The following DPP6 variants were observed in gnomAD, a reference collection of about 807,000 sequenced individuals.
The protein encoded by DPP6 is dipeptidyl peptidase like 6.
A neutral mutation model predicts 122.6 loss-of-function variants in DPP6; 69 were observed. The ratio of observed to expected loss-of-function variants is 0.56; its 90% confidence interval spans 0.46 to 0.69. The LOEUF is 0.69. Ranked by LOEUF, DPP6 falls within the 30% of genes least tolerant of loss-of-function variation. The pLI, the probability that DPP6 is intolerant of heterozygous loss-of-function variation, is 0.00. For missense variants in DPP6, 928 were observed against 1,116.9 expected (o/e 0.83, Z 2.41); for synonymous variants, 418 against 433.1 (o/e 0.97, Z 0.43).
At chr7:154,614,794 G>A (rs1440853040) in intron 5 of DPP6, among the ~76,000 whole-genome samples, 2 of 152,200 alleles carry the variant, frequency 1.3e-5, no homozygotes, top group Non-Finnish European at 2.9e-5. Flanking sequence ...ATTATTGTAA[G>A]TCATTTCTGT....
At position 154,241,182 on chromosome 7, in the gene DPP6, AAT is replaced by A. The variant is rs1491302106; in HGVS notation, c.243+188122_243+188123del. Reference sequence around the variant, plus strand: ...GCTGCACAGTAGGTAATTCAATATCAATATGTGTGTGTGTGTGTGTGTGTGTG... The same window carrying A: ...GCTGCACAGTAGGTAATTCAATATCAATGTGTGTGTGTGTGTGTGTGTGTG... On this transcript the variant is annotated intron_variant, in intron 1 of 25. Coordinates refer to ENST00000377770, the MANE Select transcript of DPP6 (RefSeq NM_130797.4). This position sits in a 1 kb window ranked among gnomAD's most constrained non-coding sequence, Gnocchi z 9.0. Among the ~76,000 whole-genome samples, 4 of 38,552 alleles carry A rather than the reference AAT, an allele frequency of 1.0e-4. No homozygotes were observed. Among genetic ancestry groups the A allele is most frequent in the African/African-American group, 2.3e-4 (3 of 12,886 alleles). The allele number at this position is 38,552 out of a possible 152,430, so 25.3% of individuals were successfully genotyped here. A position where few individuals can be genotyped will look rare whatever the true frequency, so the allele number is the denominator to read the frequency against.
chr7:154,130,555 A>C (rs1037648887), intron 1 of DPP6, among the ~76,000 whole-genome samples: 13 of 152,206 alleles, frequency 8.5e-5, no homozygotes, highest in African/African-American at 2.4e-4. Context: ...GGATGCCATG[A>C]GGGAAAGCGT....
chr7:154,679,272 C>T (rs544009895), intron 7 of DPP6, among the ~76,000 whole-genome samples: 8 of 152,318 alleles, frequency 5.3e-5, no homozygotes, highest in African/African-American at 1.9e-4. Context: ...TCGTCAGCCC[C>T]TTGTAACTAT....
At chr7:154,061,603 G>T (rs1170641176) in intron 1 of DPP6, among the ~76,000 whole-genome samples, 1 of 142,688 alleles carries the variant, frequency 7.0e-6, no homozygotes. Flanking sequence ...CCTGGCTCTT[G>T]GGACTCCCAT....
At chr7:153,950,797 G>T (rs1446112388) in intron 1 of DPP6, among the ~76,000 whole-genome samples, 1 of 152,224 alleles carries the variant, frequency 6.6e-6, no homozygotes, top group Non-Finnish European at 1.5e-5. Flanking sequence ...ATGTACAATG[G>T]CAAGGAACAT....
intron 19 of DPP6, among the ~76,000 whole-genome samples, chr7:154,873,572 C>T (rs945135653): frequency 1.3e-5 from 2 of 152,194 alleles, no homozygotes; most frequent in African/African-American, 4.8e-5. Flanking sequence ...GCCCTGCTCC[C>T]TTCCTGAGGG....
At chr7:154,668,725 TC>T (rs1016203491) in intron 6 of DPP6, among the ~76,000 whole-genome samples, 35 of 152,232 alleles carry the variant, frequency 2.3e-4, no homozygotes, top group African/African-American at 8.2e-4. Context: ...TTTTCATTTT[TC>T]CCACCATGAC....
At chr7:153,758,558 CT>C in the DPP6 span, among the ~76,000 whole-genome samples, 4 of 152,064 alleles carry the variant, frequency 2.6e-5, no homozygotes, top group Non-Finnish European at 4.4e-5. Flanking sequence ...GAAAACCGAT[CT>C]TTTTTTTCTG....
chr7:154,264,846 T>C (rs1465862741), intron 1 of DPP6, among the ~76,000 whole-genome samples: 5 of 151,810 alleles, frequency 3.3e-5, no homozygotes, highest in Admixed American at 6.6e-5. Flanking sequence ...ATGGTGTTAA[T>C]GATGATAGTG....
intron 1 of DPP6, among the ~76,000 whole-genome samples, chr7:153,893,303 T>C (rs953173438): frequency 6.6e-6 from 1 of 152,228 alleles, no homozygotes; most frequent in Non-Finnish European, 1.5e-5. Flanking sequence ...ATCACAATAC[T>C]GCTAACTTGA....
In DPP6 at chr7:154,887,370, C is replaced by T. The variant is rs1435738893; in HGVS notation, c.2246-306C>T. Among the ~76,000 whole-genome samples the T allele has an allele frequency of 2.6e-5, 4 of 152,182 alleles. No individual in the cohort carries two copies. In the East Asian group the frequency reaches 7.7e-4, roughly 29 times the overall value. On this transcript the variant is annotated intron_variant, in intron 22 of 25. Coordinates refer to ENST00000377770, the MANE Select transcript of DPP6 (RefSeq NM_130797.4). ...CCTAAGTGTTGAAGGAGGAGGTTAT[C>T]CTACTTATTTAGGAATCAGATTAAC...
rs150358994 is a variant in DPP6, at chr7:154,410,173, G to A, written c.244-36041G>A. Among the ~76,000 whole-genome samples the A allele has an allele frequency of 7.0e-3, 1,072 of 152,290 alleles. 18 individuals carry two copies. Among genetic ancestry groups the A allele is most frequent in the East Asian group, 0.042 (217 of 5,184 alleles). Reference sequence around the variant, plus strand: ...TTAAGGAGAAAATTCAATAAGATACGTGGAAACAGAGCTTACATAACTTCA... The same window carrying A: ...TTAAGGAGAAAATTCAATAAGATACATGGAAACAGAGCTTACATAACTTCA... On this transcript the variant is annotated intron_variant, in intron 1 of 25. Transcript: ENST00000377770.
intron 1 of DPP6, among the ~76,000 whole-genome samples, chr7:154,252,272 T>C (rs1394194543): frequency 6.6e-6 from 1 of 151,672 alleles, no homozygotes; most frequent in African/African-American, 2.4e-5. Context: ...TGTGATGAAA[T>C]GGAGGAAGAA....
intron 1 of DPP6, among the ~76,000 whole-genome samples, chr7:154,012,324 T>C (rs1585174065): frequency 6.6e-6 from 1 of 152,200 alleles, no homozygotes; most frequent in South Asian, 2.1e-4. Context: ...ACATCTAATA[T>C]ATAATAGAAC....
At chr7:154,597,197 C>G (rs978130662) in intron 5 of DPP6, among the ~76,000 whole-genome samples, 4 of 150,200 alleles carry the variant, frequency 2.7e-5, no homozygotes, top group African/African-American at 7.4e-5. Flanking sequence ...GGTGGGGAGA[C>G]AGAGAAGGAG....
intron 1 of DPP6, among the ~76,000 whole-genome samples, chr7:153,951,594 A>G (rs1802215867): frequency 6.6e-6 from 1 of 152,194 alleles, no homozygotes. Context: ...TGGATGTGCA[A>G]ATAACTGATC....
At chr7:154,805,892 C>T (rs558601157) in intron 15 of DPP6, among the ~76,000 whole-genome samples, 146 of 152,326 alleles carry the variant, frequency 9.6e-4, no homozygotes, top group Non-Finnish European at 1.8e-3. Context: ...GCACCTGGGC[C>T]GCTGAAGAGG....
In DPP6 at chr7:154,272,013, G is replaced by GA. The variant is rs201663833; in HGVS notation, c.244-174196dup. Among the ~76,000 whole-genome samples the GA allele has an allele frequency of 7.7e-3, 1,174 of 152,224 alleles. 21 individuals carry two copies. Among genetic ancestry groups the GA allele is most frequent in the African/African-American group, 0.025 (1,053 of 41,522 alleles). Reference sequence around the variant, plus strand: ...CTATAGCCAGCTTCCTGGTTTCAAGGAAAAAGTTCTCAAAACTCTCTCTAC... The same window carrying GA: ...CTATAGCCAGCTTCCTGGTTTCAAGGAAAAAAGTTCTCAAAACTCTCTCTAC... On this transcript the variant is annotated intron_variant, in intron 1 of 25. Transcript: ENST00000377770.
the DPP6 span, among the ~76,000 whole-genome samples, chr7:153,805,794 T>C: frequency 6.6e-6 from 1 of 151,946 alleles, no homozygotes; most frequent in African/African-American, 2.4e-5. Flanking sequence ...TATGTGGGAA[T>C]TGAACAATGA....
Sources: allele counts gnomAD v4.1 joint callset (sites outside exome capture counted in the v4.1 genomes callset), GRCh38; gene constraint gnomAD v4.1.1; non-coding constraint Gnocchi (gnomAD v3.1); transcripts MANE v1.5; gene names NCBI Gene and HGNC (gene_info 2026-07-23, HGNC 2026-07-21).